RALGAPA2: variants seen among roughly 807,000 people sequenced by gnomAD.
RALGAPA2 encodes Ral GTPase activating protein catalytic subunit alpha 2.
In RALGAPA2, 139 loss-of-function variants were observed where a neutral mutation model predicts 230.4. The ratio of observed to expected loss-of-function variants is 0.60; its 90% CI spans 0.53 to 0.69. The LOEUF (loss-of-function observed/expected upper bound fraction) is 0.69. RALGAPA2 is among the 30% of genes least tolerant of loss of function. The pLI, the probability that RALGAPA2 is intolerant of heterozygous loss-of-function variation, is 0.00. For missense variants in RALGAPA2, 2,163 were observed against 2,276.0 expected (o/e 0.95, Z 1.01); for synonymous variants, 847 against 837.8 (o/e 1.01, Z -0.19).
intron 1 of RALGAPA2, among the ~76,000 whole-genome samples, chr20:20,705,595 T>A (rs1001286560): frequency 2.6e-5 from 4 of 152,232 alleles, no homozygotes; most frequent in Non-Finnish European, 5.9e-5. Flanking sequence ...TATGCCTTCT[T>A]TTAAAAAATT....
Position 20,437,931 on chromosome 20 carries a change from C to T in RALGAPA2, c.5496-25783G>A, listed in dbSNP as rs1469716574. On this transcript the variant is annotated intron_variant, in intron 37 of 39. Coordinates refer to ENST00000202677, the MANE Select transcript of RALGAPA2 (RefSeq NM_020343.4). The surrounding 1 kb of genome is among the most constrained non-coding windows in gnomAD (Gnocchi z 4.1). Reference sequence around the variant, plus strand: ...GAAACCACTCTCGCAGGCTAGCTGGCTGAAGGAACAACACTGCAGTGGTTC... The same window carrying T: ...GAAACCACTCTCGCAGGCTAGCTGGTTGAAGGAACAACACTGCAGTGGTTC... Among the ~76,000 whole-genome samples, 2 of 152,280 alleles carry T rather than the reference C, an allele frequency of 1.3e-5. No homozygotes were observed. Among genetic ancestry groups the T allele is most frequent in the East Asian group, 3.9e-4 (2 of 5,172 alleles).
Position 20,494,114 on chromosome 20 carries a change from C to T in RALGAPA2, c.5367+1003G>A, listed in dbSNP as rs563288089. ...ACACTTAAGTAGCTTTTACTCTGGA[C>T]CAGGCACTGTTTGAAGCACTTTCTA... On this transcript the variant is annotated intron_variant, in intron 36 of 39. Coordinates refer to ENST00000202677, the MANE Select transcript of RALGAPA2 (RefSeq NM_020343.4). Among the ~76,000 whole-genome samples the T allele has an allele frequency of 9.8e-5, 15 of 152,306 alleles. No homozygotes were observed. In the South Asian group the frequency reaches 2.7e-3, roughly 27 times the overall value.
intron 33 of RALGAPA2, among the ~76,000 whole-genome samples, chr20:20,510,464 C>A (rs2062669708): frequency 6.6e-6 from 1 of 150,570 alleles, no homozygotes; most frequent in Non-Finnish European, 1.5e-5. Flanking sequence ...AGGAAAACAA[C>A]CTGAATTTTT....
chr20:20,470,215 C>A (rs1287474805), intron 37 of RALGAPA2, among the ~76,000 whole-genome samples: 2 of 152,166 alleles, frequency 1.3e-5, no homozygotes, highest in Non-Finnish European at 2.9e-5. Flanking sequence ...AAAATTTGCT[C>A]CAGCAATGCC....
At chr20:20,433,737 G>A (rs925864775) in intron 37 of RALGAPA2, among the ~76,000 whole-genome samples, 2 of 152,014 alleles carry the variant, frequency 1.3e-5, no homozygotes, top group African/African-American at 4.8e-5. Context: ...GCTGATAAAT[G>A]AGATAGTCTG....
rs867557663 is a variant in RALGAPA2, at chr20:20,401,478, G to C, written c.5618-4744C>G. On this transcript the variant is annotated intron_variant, in intron 38 of 39. Coordinates refer to ENST00000202677, the MANE Select transcript of RALGAPA2 (RefSeq NM_020343.4). ...TTCAGTGACTTGTTTTCCCTTCCAG[G>C]GTGTCTCCCAAGCTTATTCTAACTT... Among the ~76,000 whole-genome samples, 5 of 152,144 alleles carry C rather than the reference G, an allele frequency of 3.3e-5. No homozygotes were observed. In the Middle Eastern group the frequency reaches 0.01, roughly 310 times the overall value.
chr20:20,710,215 T>A (rs560489726), intron 1 of RALGAPA2, among the ~76,000 whole-genome samples: 2 of 152,354 alleles, frequency 1.3e-5, no homozygotes, highest in Admixed American at 1.3e-4. Context: ...AAAAGTGTTA[T>A]ATAAATACAC....
At chr20:20,490,241 C>A (rs1450017221) in intron 36 of RALGAPA2, among the ~76,000 whole-genome samples, 2 of 152,138 alleles carry the variant, frequency 1.3e-5, no homozygotes, top group Non-Finnish European at 2.9e-5. Context: ...CTAGGGAATT[C>A]CTCTAATTAG....
chr20:20,407,445 A>G (rs2059969766), intron 38 of RALGAPA2, among the ~76,000 whole-genome samples: 1 of 152,212 alleles, frequency 6.6e-6, no homozygotes, highest in Non-Finnish European at 1.5e-5. Context: ...CGGCCAAGGA[A>G]GACTGCCTGT....
intron 36 of RALGAPA2, among the ~76,000 whole-genome samples, chr20:20,481,490 A>G (rs995900589): frequency 2.0e-5 from 3 of 152,252 alleles, no homozygotes; most frequent in African/African-American, 7.2e-5. Context: ...CAGTTTGGTC[A>G]GTTATTCATT....
intron 27 of RALGAPA2, among the ~76,000 whole-genome samples, chr20:20,527,271 G>A (rs1238148638): frequency 1.3e-5 from 2 of 152,168 alleles, no homozygotes; most frequent in African/African-American, 4.8e-5. Context: ...TAAGGGAAAG[G>A]TTTTTAATTC....
intron 37 of RALGAPA2, among the ~76,000 whole-genome samples, chr20:20,423,212 T>G (rs1463497751): frequency 6.6e-6 from 1 of 151,808 alleles, no homozygotes; most frequent in African/African-American, 2.4e-5. Context: ...AGGGCAGGGT[T>G]GAGTGGAGGA....
intron 20 of RALGAPA2, among the ~76,000 whole-genome samples, chr20:20,576,536 T>C (rs1411312382): frequency 6.6e-6 from 1 of 152,172 alleles, no homozygotes; most frequent in African/African-American, 2.4e-5. Flanking sequence ...ATGATATTTT[T>C]CCAACATTCT....
chr20:20,523,904 C>T (rs1215851425), intron 30 of RALGAPA2, among the ~76,000 whole-genome samples: 1 of 152,130 alleles, frequency 6.6e-6, no homozygotes, highest in Admixed American at 6.5e-5. Context: ...GCATCTTTAA[C>T]TTGGTAACTA....
At chr20:20,631,392 G>A (rs1359433500) in intron 9 of RALGAPA2, among the ~76,000 whole-genome samples, 1 of 152,238 alleles carries the variant, frequency 6.6e-6, no homozygotes, top group Admixed American at 6.5e-5. Context: ...CATAACAGAT[G>A]TGATTAAGTT....
chr20:20,517,377 TCTAA>T (rs1213550814), intron 31 of RALGAPA2, among the ~76,000 whole-genome samples: 1 of 152,138 alleles, frequency 6.6e-6, no homozygotes, highest in Non-Finnish European at 1.5e-5. Flanking sequence ...ACTCAGTGCA[TCTAA>T]CTGAGAGATC....
At position 20,583,101 on chromosome 20, in the gene RALGAPA2, C is replaced by G. The variant is rs1292272961; in HGVS notation, c.2656G>C (p.Asp886His). The G allele has an allele frequency of 4.3e-6, 7 of 1,613,610 alleles. 1 individual carries two copies. The Admixed American group carries it at 6.7e-5, about 15-fold the overall frequency. ...NTPTDVVADA[D>H]ARHWLQLSPT... The stretch of plus-strand genomic sequence containing the variant: ...CTCAGTTGTAACCAATGACGGGCAT[C>G]AGCATCAGCCACAACATCTGTGGGA... The change falls in exon 20 of 40, where the codon GAT becomes CAT. Residue 886 changes from aspartate (D) to histidine (H), a missense_variant. Transcript: ENST00000202677.
intron 38 of RALGAPA2, among the ~76,000 whole-genome samples, chr20:20,411,711 G>A (rs543672426): frequency 2.6e-5 from 4 of 152,214 alleles, no homozygotes; most frequent in South Asian, 4.2e-4. Flanking sequence ...TTCGGGCATC[G>A]CTTTTAAACA....
intron 23 of RALGAPA2, among the ~76,000 whole-genome samples, chr20:20,563,408 A>G (rs886941473): frequency 1.3e-5 from 2 of 152,264 alleles, no homozygotes; most frequent in Non-Finnish European, 2.9e-5. Context: ...CATTTTAATA[A>G]TTATAAATAC....
Sources: allele counts gnomAD v4.1 joint callset (sites outside exome capture counted in the v4.1 genomes callset), GRCh38; gene constraint gnomAD v4.1.1; non-coding constraint Gnocchi (gnomAD v3.1); transcripts MANE v1.5; gene names NCBI Gene and HGNC (gene_info 2026-07-23, HGNC 2026-07-21).